The following WDR19 variants were observed in gnomAD, a reference collection of about 807,000 sequenced individuals.
WDR19 encodes WD repeat-containing protein 19.
WDR19 carries 121 observed loss-of-function variants against 180.0 expected under a neutral mutation model. That is an observed-to-expected ratio of 0.67 (90% CI 0.58 to 0.78). The LOEUF (loss-of-function observed/expected upper bound fraction) is 0.78. Ranked by LOEUF, WDR19 falls within the 30% of genes least tolerant of loss-of-function variation. The pLI is 0.00. For synonymous variants in WDR19, 497 were observed against 540.7 expected (o/e 0.92, Z 1.12); for missense variants, 1,450 against 1,640.7 (o/e 0.88, Z 2.01).
intron 5 of WDR19, among the ~76,000 whole-genome samples, chr4:39,197,738 C>T (rs1019293362): frequency 1.1e-4 from 17 of 152,158 alleles, no homozygotes; most frequent in African/African-American, 3.4e-4. Flanking sequence ...TGATGTTACT[C>T]ATTAGCATAG....
intron 28 of WDR19, among the ~76,000 whole-genome samples, chr4:39,260,192 A>T (rs1014780331): frequency 3.9e-5 from 6 of 152,308 alleles, no homozygotes; most frequent in African/African-American, 1.2e-4. Flanking sequence ...TCCTTGTGGT[A>T]TAATTTCCCT....
Position 39,275,479 on chromosome 4 carries a change from G to A in WDR19, c.3716+521G>A, listed in dbSNP as rs140207382. ...ATCACAGTCCAGAGCTGGTGTCACCGTGCCTTGATGCCACCAGACCAGATC... is the reference window on the plus strand; with the variant it reads ...ATCACAGTCCAGAGCTGGTGTCACCATGCCTTGATGCCACCAGACCAGATC... On this transcript the variant is annotated intron_variant, in intron 33 of 36. Coordinates refer to ENST00000399820, the MANE Select transcript of WDR19 (RefSeq NM_025132.4). The A allele has an allele frequency of 2.2e-3, 382 of 171,962 alleles. 1 individual carries two copies. The highest frequency in any genetic ancestry group is 8.1e-3 in the African/African-American group (339 of 41,946). 10.7% of individuals were successfully genotyped at this position (171,962 alleles called of 1,614,324 possible). A position where few individuals can be genotyped will look rare whatever the true frequency, so the allele number is the denominator to read the frequency against.
intron 36 of WDR19, among the ~76,000 whole-genome samples, chr4:39,283,307 T>C (rs1736762542): frequency 6.6e-6 from 1 of 152,208 alleles, no homozygotes; most frequent in South Asian, 2.1e-4. Context: ...TGATGTATTA[T>C]CCTATTGCTG....
At chr4:39,199,653 TTGTC>T (rs1727170477) in intron 6 of WDR19, 60 bp downstream of exon 6, 2 of 1,379,470 alleles carry the variant, frequency 1.4e-6, no homozygotes, top group African/African-American at 1.4e-5. Flanking sequence ...AATAAATAGT[TTGTC>T]TGTCAAACTA....
intron 19 of WDR19, among the ~76,000 whole-genome samples, chr4:39,232,526 G>A (rs1227804255): frequency 6.6e-6 from 1 of 152,060 alleles, no homozygotes; most frequent in African/African-American, 2.4e-5. Flanking sequence ...TCAGGAGGCT[G>A]AGACAGGAGA....
chr4:39,280,119 G>C (rs79539300), intron 36 of WDR19, among the ~76,000 whole-genome samples: 1 of 53,974 alleles, frequency 1.9e-5, no homozygotes, highest in Non-Finnish European at 3.6e-5. Flanking sequence ...CCCTTTTCTT[G>C]TTTTTTTTTT....
At chr4:39,280,789 A>C (rs944289403) in intron 36 of WDR19, among the ~76,000 whole-genome samples, 1 of 152,198 alleles carries the variant, frequency 6.6e-6, no homozygotes, top group Non-Finnish European at 1.5e-5. Context: ...TCCCATCTCT[A>C]AATAAAAACA....
chr4:39,285,706 C>T lies in WDR19; in HGVS notation c.*233C>T, dbSNP rs1408997142. The T allele has an allele frequency of 1.3e-5, 2 of 152,242 alleles. No homozygotes were observed. The highest frequency in any genetic ancestry group is 6.5e-5 in the Admixed American group (1 of 15,286). The allele number at this position is 152,242 out of a possible 1,614,324, so 9.4% of individuals were successfully genotyped here. On this transcript the variant is annotated 3_prime_UTR_variant, in exon 37 of 37. Transcript: ENST00000399820. ...CTCTTCAAAGTCTTTCTTACACACT[C>T]TATCCTCTGCACTGTTAATAGTAAC... is the stretch of plus-strand genomic sequence containing the variant.
In WDR19 at chr4:39,277,137, T is replaced by G. The variant is rs1735983084; in HGVS notation, c.3834T>G (p.Ile1278Met). 1.2e-6 allele frequency: 2 copies of G among 1,605,384 alleles called. No homozygotes were observed. Among genetic ancestry groups the G allele is most frequent in the Non-Finnish European group, 8.5e-7 (1 of 1,176,782 alleles). Residue 1278 changes from isoleucine (I) to methionine (M), a missense_variant, in exon 34 of 37, where the codon ATT becomes ATG. Physicochemically the swap from Ile to Met is conservative, Grantham distance 10 (BLOSUM62 1). Coordinates refer to ENST00000399820, the MANE Select transcript of WDR19 (RefSeq NM_025132.4). The part of the protein sequence containing the change: ...PGCKNSIPYC[I>M]ATGRHMLKDD... ...GTAAAAACAGTATCCCATATTGCAT[T>G]GCAACAGTGAGTTCCTTTATAGTAA... is the stretch of plus-strand genomic sequence containing the variant.
At chr4:39,231,315 C>CAAAA (rs56002679) in intron 17 of WDR19, among the ~76,000 whole-genome samples, 4 of 87,264 alleles carry the variant, frequency 4.6e-5, no homozygotes, top group South Asian at 4.0e-4. Context: ...ACTCCGTCTT[C>CAAAA]AAAAAAAAAA....
At chr4:39,254,219 A>AGAT (rs1733538426) in intron 26 of WDR19, among the ~76,000 whole-genome samples, 189 bp downstream of exon 26, 1 of 152,168 alleles carries the variant, frequency 6.6e-6, no homozygotes, top group South Asian at 2.1e-4. Context: ...CTTCAAGGTG[A>AGAT]GATGGTATTA....
At position 39,199,606 on chromosome 4, in the gene WDR19, C is replaced by A. The variant is rs374417243; in HGVS notation, c.522+13C>A. ...CACGATAAGACAGGTAATACAGTAA[C>A]GTCTCTTTGGTCTGATATATTCAAG... On this transcript the variant is annotated intron_variant, in intron 6 of 36. Coordinates refer to ENST00000399820, the MANE Select transcript of WDR19 (RefSeq NM_025132.4). 1.9e-6 allele frequency: 3 copies of A among 1,587,116 alleles called. No individual in the cohort carries two copies. Among genetic ancestry groups the A allele is most frequent in the East Asian group, 4.5e-5 (2 of 44,610 alleles).
At chr4:39,263,817 G>C (rs1041057427) in intron 28 of WDR19, among the ~76,000 whole-genome samples, 1 of 151,886 alleles carries the variant, frequency 6.6e-6, no homozygotes, top group Non-Finnish European at 1.5e-5. Context: ...CCAGCTACTC[G>C]GGAGGCTGAG....
chr4:39,201,076 G>T, intron 6 of WDR19, among the ~76,000 whole-genome samples: 1 of 152,104 alleles, frequency 6.6e-6, no homozygotes, highest in East Asian at 1.9e-4. Context: ...TATGGGTTGG[G>T]GTCGGGGGTT....
intron 20 of WDR19, among the ~76,000 whole-genome samples, chr4:39,240,014 C>T (rs889226032): frequency 8.6e-5 from 13 of 151,846 alleles, no homozygotes; most frequent in African/African-American, 3.1e-4. Flanking sequence ...CTCTACAAAA[C>T]ATTCTTTTAA....
chr4:39,281,236 T>TATATATATATATATAGAGAGAGAGAG (rs762298152), intron 36 of WDR19, among the ~76,000 whole-genome samples: 1 of 104,036 alleles, frequency 9.6e-6, no homozygotes, highest in African/African-American at 5.2e-5. Flanking sequence ...TATATATATA[T>TATATATATATATATAGAGAGAGAGAG]AGAGAGAGAG....
At chr4:39,217,919 T>C in intron 13 of WDR19, 64 bp from the exon 14 acceptor site, 1 of 1,580,988 alleles carries the variant, frequency 6.3e-7, no homozygotes, top group Non-Finnish European at 8.6e-7. Flanking sequence ...AAGACACCCC[T>C]AGATGTTGTA....
chr4:39,279,009 A>C (rs1736195861), intron 36 of WDR19, among the ~76,000 whole-genome samples: 1 of 152,194 alleles, frequency 6.6e-6, no homozygotes, highest in Non-Finnish European at 1.5e-5. Flanking sequence ...TATTGTAAAA[A>C]TGTTGGCTTC....
intron 24 of WDR19, 46 bp from the exon 25 acceptor site, chr4:39,253,100 A>G (rs1733404298): frequency 6.6e-7 from 1 of 1,524,382 alleles, no homozygotes; most frequent in East Asian, 2.4e-5. Context: ...TTTTCTCCCC[A>G]AATTGACAGT....
Sources: allele counts gnomAD v4.1 joint callset (sites outside exome capture counted in the v4.1 genomes callset), GRCh38; gene constraint gnomAD v4.1.1; transcripts MANE v1.5; gene names NCBI Gene and HGNC (gene_info 2026-07-23, HGNC 2026-07-21).